The following TMEM74 variants were observed in gnomAD, a reference collection of about 807,000 sequenced individuals.
TMEM74 encodes the protein transmembrane protein 74.
TMEM74 carries 13 observed loss-of-function variants against 18.1 expected under a neutral mutation model. That is an observed-to-expected ratio of 0.72 (90% CI 0.47 to 1.14). The LOEUF is 1.14. TMEM74 is among the 50% of genes most tolerant of loss of function. The pLI is 0.00. For synonymous variants in TMEM74, 159 were observed against 146.6 expected, an observed-to-expected ratio of 1.08 and a Z score of -0.61; for missense variants, 372 against 375.9, an observed-to-expected ratio of 0.99 and a Z score of 0.09.
chr8:108,699,433 G>T (rs944586208), intron 1 of TMEM74, among the ~76,000 whole-genome samples: 1 of 151,874 alleles, frequency 6.6e-6, no homozygotes, highest in African/African-American at 2.4e-5. Flanking sequence ...CTATGCCATG[G>T]CCACAGAGTA....
intron 1 of TMEM74, among the ~76,000 whole-genome samples, chr8:108,765,153 T>G (rs1814090047): frequency 6.6e-6 from 1 of 152,190 alleles, no homozygotes; most frequent in Non-Finnish European, 1.5e-5. Flanking sequence ...ATTTGCTGTT[T>G]CTACACTAAA....
At chr8:108,622,907 A>G (rs1212372735) in intron 2 of TMEM74, among the ~76,000 whole-genome samples, 3 of 152,118 alleles carry the variant, frequency 2.0e-5, no homozygotes, top group Non-Finnish European at 4.4e-5. Flanking sequence ...TACACCAGGC[A>G]TATTTTATGT....
At position 108,784,056 on chromosome 8, in the gene TMEM74, G is replaced by T; in HGVS notation, c.*125C>A. 1.2e-6 allele frequency: 1 copy of T among 800,184 alleles called. No individual in the cohort carries two copies. The highest frequency in any genetic ancestry group is 1.9e-6 in the Non-Finnish European group (1 of 514,886). 49.6% of individuals were successfully genotyped at this position (800,184 alleles called of 1,614,324 possible). On this transcript the variant is annotated 3_prime_UTR_variant, in exon 2 of 2. Coordinates refer to ENST00000297459, the MANE Select transcript of TMEM74 (RefSeq NM_153015.3). ...CACATAGAGAACAAAAACACTTACT[G>T]GCTGTTGGTTTGTGAAATAAACTTT...
At chr8:108,635,241 TCTTC>T (rs1812595606) in intron 2 of TMEM74, among the ~76,000 whole-genome samples, 1 of 151,924 alleles carries the variant, frequency 6.6e-6, no homozygotes. Flanking sequence ...AACAATTGCT[TCTTC>T]CTCAACAGTA....
chr8:108,741,586 A>G (rs1813801279), intron 1 of TMEM74, among the ~76,000 whole-genome samples: 1 of 152,198 alleles, frequency 6.6e-6, no homozygotes, highest in Non-Finnish European at 1.5e-5. Context: ...TTAAGTAAAA[A>G]AATTACAAGA....
intron 1 of TMEM74, among the ~76,000 whole-genome samples, chr8:108,737,007 T>TAAA (rs1813755578): frequency 6.6e-6 from 1 of 152,100 alleles, no homozygotes; most frequent in South Asian, 2.1e-4. Context: ...AAGACAAACG[T>TAAA]TTAACTTTAT....
intron 1 of TMEM74, among the ~76,000 whole-genome samples, chr8:108,717,910 T>C (rs543316377): frequency 3.4e-5 from 5 of 149,186 alleles, no homozygotes; most frequent in East Asian, 3.9e-4. Context: ...TGGGGAACCA[T>C]TGGCGGTTTC....
chr8:108,679,301 T>C (rs1404604309), intron 1 of TMEM74, among the ~76,000 whole-genome samples: 3 of 152,224 alleles, frequency 2.0e-5, no homozygotes, highest in African/African-American at 7.2e-5. Context: ...TTTCTAGTTC[T>C]AGATCCCTGA....
At chr8:108,750,125 A>G (rs1813889994) in intron 1 of TMEM74, among the ~76,000 whole-genome samples, 1 of 152,114 alleles carries the variant, frequency 6.6e-6, no homozygotes, top group African/African-American at 2.4e-5. Flanking sequence ...CTTCATGGCA[A>G]AACAAGTTTG....
At chr8:108,673,120 T>C (rs1439834099) in intron 1 of TMEM74, among the ~76,000 whole-genome samples, 2 of 152,186 alleles carry the variant, frequency 1.3e-5, no homozygotes, top group Non-Finnish European at 2.9e-5. Context: ...CTGTATTTCA[T>C]GAAAAGAATG....
chr8:108,697,070 T>C (rs1374922527), intron 1 of TMEM74, among the ~76,000 whole-genome samples: 1 of 152,184 alleles, frequency 6.6e-6, no homozygotes, highest in Non-Finnish European at 1.5e-5. Context: ...TGATCTTTAA[T>C]GTGTCCACAG....
At chr8:108,718,974 ATATATATACG>A (rs1554574836) in intron 1 of TMEM74, among the ~76,000 whole-genome samples, 11 of 149,310 alleles carry the variant, frequency 7.4e-5, no homozygotes, top group South Asian at 2.1e-4. Flanking sequence ...GTGTGTGTAT[ATATATATACG>A]TATATATACG....
intron 2 of TMEM74, among the ~76,000 whole-genome samples, chr8:108,615,791 A>G (rs1812376501): frequency 7.4e-6 from 1 of 135,004 alleles, no homozygotes; most frequent in South Asian, 2.5e-4. Context: ...GCTTTTATAT[A>G]CCTGCAATGA....
chr8:108,762,739 T>A (rs1814059828), intron 1 of TMEM74, among the ~76,000 whole-genome samples: 1 of 152,058 alleles, frequency 6.6e-6, no homozygotes, highest in Non-Finnish European at 1.5e-5. Context: ...CTCTACTAGA[T>A]CCAAATTTAA....
chr8:108,674,703 G>C (rs114782028), intron 1 of TMEM74, among the ~76,000 whole-genome samples: 1 of 152,180 alleles, frequency 6.6e-6, no homozygotes, highest in Non-Finnish European at 1.5e-5. Context: ...ACTTGTAGTT[G>C]TGTGAACTGA....
intron 1 of TMEM74, among the ~76,000 whole-genome samples, chr8:108,682,732 C>G (rs12545260): frequency 0.44 from 67,146 of 151,750 alleles, 15,246 homozygotes; most frequent in East Asian, 0.7. Context: ...TAAAAGCTTA[C>G]AAGTACTTAC....
At chr8:108,635,250 A>G (rs2130556501) in intron 2 of TMEM74, among the ~76,000 whole-genome samples, 1 of 151,862 alleles carries the variant, frequency 6.6e-6, no homozygotes, top group Middle Eastern at 3.4e-3. Context: ...TTCTTCCTCA[A>G]CAGTATGGCT....
Position 108,673,573 on chromosome 8 carries a change from G to A in TMEM74, n.120-18136C>T, listed in dbSNP as rs141775954. 6.7e-4 allele frequency among the ~76,000 whole-genome samples: 102 copies of A among 152,346 alleles called. 1 individual carries two copies. In the East Asian group the frequency reaches 0.018, roughly 27 times the overall value. Reference sequence around the variant, plus strand: ...ATAGCCAGAGAGTAGTCAGCTGAGGGAGAGAGCCAAGAAACAGGAGCACGT... The same window carrying A: ...ATAGCCAGAGAGTAGTCAGCTGAGGAAGAGAGCCAAGAAACAGGAGCACGT... On this transcript the variant is annotated intron_variant and non_coding_transcript_variant, in intron 1 of 3. Coordinates refer to the TMEM74 transcript ENST00000518838.
intron 2 of TMEM74, among the ~76,000 whole-genome samples, chr8:108,637,935 A>G (rs962419457): frequency 1.3e-5 from 2 of 152,204 alleles, no homozygotes; most frequent in African/African-American, 2.4e-5. Context: ...TGGTAAAATA[A>G]TTGGTGGGAA....
Sources: gnomAD v4.1 joint callset for allele counts (sites outside exome capture counted in the v4.1 genomes callset) on GRCh38, gnomAD v4.1.1 for gene constraint, MANE v1.5 for transcripts, NCBI Gene and HGNC (gene_info 2026-07-23, HGNC 2026-07-21) for gene names.